Variants in TCF12 observed in about 807,000 individuals in gnomAD.
TCF12 encodes DNA-binding protein HTF4.
A neutral mutation model predicts 86.0 loss-of-function variants in TCF12; 45 were observed. The ratio of observed to expected loss-of-function variants is 0.52; its 90% CI spans 0.41 to 0.67. TCF12 has a LOEUF of 0.67. Ranked by LOEUF, TCF12 falls within the 30% of genes least tolerant of loss-of-function variation. The pLI is 0.00. For missense variants in TCF12, 881 were observed against 859.9 expected, an observed-to-expected ratio of 1.02 and a Z score of -0.31; for synonymous variants, 330 against 299.6, an observed-to-expected ratio of 1.10 and a Z score of -1.05.
intron 6 of TCF12, among the ~76,000 whole-genome samples, chr15:57,177,662 G>A (rs936774963): frequency 4.3e-5 from 6 of 140,442 alleles, no homozygotes; most frequent in Admixed American, 2.2e-4. Context: ...GGCCTACTTG[G>A]CAGGGAAAAA....
chr15:56,927,135 T>C (rs1203057673), intron 3 of TCF12, among the ~76,000 whole-genome samples: 1 of 152,210 alleles, frequency 6.6e-6, no homozygotes, highest in African/African-American at 2.4e-5. Context: ...AATTGGAGGA[T>C]AGTAGTGCTG....
At chr15:57,077,321 A>G (rs7173949) in intron 4 of TCF12, among the ~76,000 whole-genome samples, 763 of 32,304 alleles carry the variant, frequency 0.024, 26 homozygotes, top group African/African-American at 0.16. Flanking sequence ...ATATATATGT[A>G]TATATATGTG....
intron 4 of TCF12, among the ~76,000 whole-genome samples, chr15:57,076,248 G>A (rs1453230535): frequency 1.3e-5 from 2 of 152,094 alleles, no homozygotes; most frequent in Non-Finnish European, 2.9e-5. Flanking sequence ...AGCAGTGTAC[G>A]AATACAGAGC....
chr15:57,062,144 G>A (rs1345519553), intron 3 of TCF12, among the ~76,000 whole-genome samples: 2 of 152,060 alleles, frequency 1.3e-5, no homozygotes, highest in Non-Finnish European at 2.9e-5. Flanking sequence ...TTTTAGTAGA[G>A]ACGGGGTTTC....
chr15:57,258,623 G>C (rs1479687850), intron 16 of TCF12, among the ~76,000 whole-genome samples: 1 of 152,096 alleles, frequency 6.6e-6, no homozygotes, highest in African/African-American at 2.4e-5. Context: ...ATTTAATACA[G>C]GTATTTCTCT....
At chr15:57,056,116 G>GGGGTGTGTGT (rs367596955) in intron 3 of TCF12, among the ~76,000 whole-genome samples, 21 of 143,238 alleles carry the variant, frequency 1.5e-4, no homozygotes, top group Non-Finnish European at 2.1e-4. Context: ...TAGTTTTAGG[G>GGGGTGTGTGT]GTGTGTGTGT....
intron 5 of TCF12, among the ~76,000 whole-genome samples, chr15:57,164,973 C>A (rs1328699925): frequency 6.6e-6 from 1 of 151,978 alleles, no homozygotes; most frequent in African/African-American, 2.4e-5. Context: ...GAGCCACTGC[C>A]CCCCACCACA....
chr15:56,944,490 A>G (rs1277730951), intron 3 of TCF12, among the ~76,000 whole-genome samples: 1 of 152,226 alleles, frequency 6.6e-6, no homozygotes, highest in Non-Finnish European at 1.5e-5. Flanking sequence ...ATTAAAAAAT[A>G]AGTCACTTAG....
rs144539122 is a variant in TCF12, at chr15:57,081,930, C to T, written c.223-9859C>T. 9.2e-3 allele frequency among the ~76,000 whole-genome samples: 1,406 copies of T among 152,180 alleles called. 15 individuals carry two copies. The highest frequency in any genetic ancestry group is 0.018 in the South Asian group (87 of 4,816). On this transcript the variant is annotated intron_variant, in intron 4 of 20. Coordinates refer to ENST00000333725, the MANE Select transcript of TCF12 (RefSeq NM_207037.2). Reference sequence around the variant, plus strand: ...AAATTAGGGAGGATGAGTGAAGATTCGGTAATATATTCCTGGAAGGAACCA... The same window carrying T: ...AAATTAGGGAGGATGAGTGAAGATTTGGTAATATATTCCTGGAAGGAACCA...
intron 3 of TCF12, among the ~76,000 whole-genome samples, chr15:57,001,118 G>C (rs537722810): frequency 2.7e-5 from 4 of 149,484 alleles, no homozygotes; most frequent in Non-Finnish European, 5.9e-5. Context: ...CCAGGTTCAA[G>C]TGATTCTCCT....
rs368336879 is a variant in TCF12 at position 57,105,537 on chromosome 15, C to T, written c.325+13646C>T. Among the ~76,000 whole-genome samples the T allele has an allele frequency of 3.3e-5, 5 of 151,988 alleles. No homozygotes were observed. The East Asian group carries it at 5.8e-4, about 18-fold the overall frequency. On this transcript the variant is annotated intron_variant, in intron 5 of 20. Transcript: ENST00000333725. ...AAGCGATTCTCCTGCCTCAGCCTCCCGAATAGCTAGGATTATAGGTGTGCA... is the reference window on the plus strand; with the variant it reads ...AAGCGATTCTCCTGCCTCAGCCTCCTGAATAGCTAGGATTATAGGTGTGCA...
intron 5 of TCF12, among the ~76,000 whole-genome samples, chr15:57,149,381 T>C (rs1322503486): frequency 6.6e-6 from 1 of 152,194 alleles, no homozygotes; most frequent in Non-Finnish European, 1.5e-5. Flanking sequence ...GAACTGGACA[T>C]TGTATTTCAT....
chr15:56,927,616 T>C (rs1229902273), intron 3 of TCF12, among the ~76,000 whole-genome samples: 4 of 152,222 alleles, frequency 2.6e-5, no homozygotes, highest in African/African-American at 9.6e-5. Flanking sequence ...TTAATTTGCT[T>C]TTTGATATGA....
Position 57,288,054 on chromosome 15 carries a change from C to G in TCF12, c.*1909C>G, listed in dbSNP as rs1944195889. The G allele has an allele frequency of 6.6e-6, 1 of 152,574 alleles. No individual in the cohort carries two copies. Among genetic ancestry groups the G allele is most frequent in the Admixed American group, 6.5e-5 (1 of 15,274 alleles). The allele number at this position is 152,574 out of a possible 1,614,324, so 9.5% of individuals were successfully genotyped here. ...ACATTTGGCTTATTTTTCACTGTAG[C>G]TAGTCTTTTATACAATAATCTTGTA... On this transcript the variant is annotated 3_prime_UTR_variant, in exon 21 of 21. Coordinates refer to ENST00000333725, the MANE Select transcript of TCF12 (RefSeq NM_207037.2).
At chr15:57,285,843 G>T (rs1892562491) in intron 20 of TCF12, among the ~76,000 whole-genome samples, 1 of 152,188 alleles carries the variant, frequency 6.6e-6, no homozygotes, top group African/African-American at 2.4e-5. Flanking sequence ...TGGGAGGATT[G>T]CTTGAGCCCA....
intron 5 of TCF12, among the ~76,000 whole-genome samples, chr15:57,142,693 A>G (rs1336803569): frequency 6.6e-6 from 1 of 152,210 alleles, no homozygotes; most frequent in Non-Finnish European, 1.5e-5. Flanking sequence ...AAGTGGGAAA[A>G]GGTAACTTTT....
chr15:56,953,669 A>G (rs1178575336), intron 3 of TCF12, among the ~76,000 whole-genome samples: 1 of 151,988 alleles, frequency 6.6e-6, no homozygotes, highest in Non-Finnish European at 1.5e-5. Flanking sequence ...GTGTTTCTCA[A>G]AGATTGTTTA....
At chr15:57,111,677 T>G (rs1349862073) in intron 5 of TCF12, among the ~76,000 whole-genome samples, 1 of 150,322 alleles carries the variant, frequency 6.7e-6, no homozygotes, top group Non-Finnish European at 1.5e-5. Context: ...CTGCAACCTC[T>G]GCCTACCGGG....
intron 3 of TCF12, among the ~76,000 whole-genome samples, chr15:57,025,572 CTATAA>C (rs1478451109): frequency 6.6e-6 from 1 of 151,942 alleles, no homozygotes; most frequent in Non-Finnish European, 1.5e-5. Context: ...GAATTGTAGC[CTATAA>C]TAAGTGAAGA....
Sources: gnomAD v4.1 joint callset for allele counts (sites outside exome capture counted in the v4.1 genomes callset) on GRCh38, gnomAD v4.1.1 for gene constraint, MANE v1.5 for transcripts, NCBI Gene and HGNC (gene_info 2026-07-23, HGNC 2026-07-21) for gene names.